The following DMXL2 variants were observed in gnomAD, a reference collection of about 807,000 sequenced individuals.
The protein encoded by DMXL2 is Dmx like 2, also known as dmX-like protein 2.
Under a neutral mutation model 331.1 loss-of-function variants are expected in DMXL2, and 103 were observed. The ratio of observed to expected loss-of-function variants is 0.31; its 90% confidence interval spans 0.27 to 0.37. DMXL2 has a LOEUF of 0.37. DMXL2 is among the 10% of genes least tolerant of loss of function. The pLI is 1.00. For missense variants in DMXL2, 3,171 were observed against 3,642.9 expected (o/e 0.87, Z 3.33); for synonymous variants, 1,281 against 1,252.1 (o/e 1.02, Z -0.49).
rs187787136 is a variant in DMXL2, at chr15:51,462,387, G to A, written c.7926+992C>T. ...TTTCGCTCTTGTTGCCCAGGCTGGA[G>A]TGCAATGGCACAATCTTGGCTTACT... On this transcript the variant is annotated intron_variant, in intron 33 of 43. Transcript: ENST00000560891. Among the ~76,000 whole-genome samples the A allele has an allele frequency of 4.5e-4, 69 of 152,182 alleles. No individual in the cohort carries two copies. The East Asian group carries it at 9.6e-3, about 21-fold the overall frequency.
At chr15:51,455,285 A>AAAC in intron 39 of DMXL2, 57 bp from the exon 40 acceptor site, 5 of 1,418,382 alleles carry the variant, frequency 3.5e-6, no homozygotes, top group Non-Finnish European at 5.0e-6. Context: ...GCAAAGGTAA[A>AAAC]AACATGGAAG....
intron 1 of DMXL2, among the ~76,000 whole-genome samples, chr15:51,613,301 C>T (rs1902594): frequency 0.58 from 87,717 of 152,022 alleles, 26,267 homozygotes; most frequent in African/African-American, 0.74. Context: ...TGTTCAGAGA[C>T]TGCAGTAAAG....
In DMXL2 at chr15:51,451,510, C is replaced by T. The variant is rs1197472736; in HGVS notation, c.8749+135G>A. 4.4e-6 allele frequency: 3 copies of T among 678,964 alleles called. No homozygotes were observed. In the East Asian group the frequency reaches 8.8e-5, roughly 20 times the overall value. 42.1% of individuals were successfully genotyped at this position (678,964 alleles called of 1,614,324 possible). On this transcript the variant is annotated intron_variant, in intron 42 of 43. Coordinates refer to ENST00000560891, the MANE Select transcript of DMXL2 (RefSeq NM_001378457.1). Reference sequence around the variant, plus strand: ...TTAACTTTCCAAATTTTTAGTCATTCATTCTAAATATTTCTCCATTTTCAA... The same window carrying T: ...TTAACTTTCCAAATTTTTAGTCATTTATTCTAAATATTTCTCCATTTTCAA...
Position 51,499,298 on chromosome 15 carries a change from T to C in DMXL2, c.3926A>G (p.Lys1309Arg). 6.2e-7 allele frequency: 1 copy of C among 1,613,960 alleles called. No homozygotes were observed. Among genetic ancestry groups the C allele is most frequent in the Non-Finnish European group, 8.5e-7 (1 of 1,180,022 alleles). Residue 1309 changes from lysine to arginine, a missense_variant, in exon 18 of 44, where the codon AAA (lysine) becomes AGA (arginine). Physicochemically the swap from Lys to Arg is conservative, Grantham distance 26. Coordinates refer to ENST00000560891, the MANE Select transcript of DMXL2 (RefSeq NM_001378457.1). ...STFKSNMLAR[K>R]SVVEGTAISD... ...AATAGCTGTTCCTTCAACAACACTT[T>C]TTCTTGCCAGCATATTAGATTTAAA...
chr15:51,592,888 C>T (rs1033165542), intron 1 of DMXL2, among the ~76,000 whole-genome samples: 29 of 152,172 alleles, frequency 1.9e-4, no homozygotes, highest in Admixed American at 1.4e-3. Flanking sequence ...ACTGCCAGGC[C>T]TGCCCTAAAA....
At position 51,601,230 on chromosome 15, in the gene DMXL2, G is replaced by A. The variant is rs2141316166; in HGVS notation, c.87+21229C>T. Reference sequence around the variant, plus strand: ...GGCGTGAACCTGGGAGGCGGAGCTTGCAGTGAGCCGAGATTGCACCACTGC... The same window carrying A: ...GGCGTGAACCTGGGAGGCGGAGCTTACAGTGAGCCGAGATTGCACCACTGC... On this transcript the variant is annotated intron_variant, in intron 1 of 43. Coordinates refer to ENST00000560891, the MANE Select transcript of DMXL2 (RefSeq NM_001378457.1). Among the ~76,000 whole-genome samples, 2 of 147,704 alleles carry A rather than the reference G, an allele frequency of 1.4e-5. 1 individual carries two copies.
intron 1 of DMXL2, among the ~76,000 whole-genome samples, chr15:51,610,357 G>C (rs1266794554): frequency 6.6e-6 from 1 of 152,160 alleles, no homozygotes; most frequent in Non-Finnish European, 1.5e-5. Flanking sequence ...TGAATAAGCA[G>C]ACAGAAAAGC....
chr15:51,599,788 C>G (rs1230241988), intron 1 of DMXL2, among the ~76,000 whole-genome samples: 12 of 152,092 alleles, frequency 7.9e-5, no homozygotes, highest in Non-Finnish European at 1.5e-5. Flanking sequence ...CAACCTTCAC[C>G]TCCCACGTTC....
intron 13 of DMXL2, among the ~76,000 whole-genome samples, chr15:51,526,942 G>A (rs1474795331): frequency 6.6e-6 from 1 of 152,158 alleles, no homozygotes; most frequent in Non-Finnish European, 1.5e-5. Context: ...TTAAAGAGGA[G>A]GTAAAGAAAG....
At chr15:51,466,459 A>G in intron 29 of DMXL2, 148 bp from the exon 30 acceptor site, 1 of 257,958 alleles carries the variant, frequency 3.9e-6, no homozygotes, top group Non-Finnish European at 6.5e-6. Context: ...TAAACATTTT[A>G]AATGGTGTCA....
At chr15:51,502,757 A>AT in intron 17 of DMXL2, 49 bp downstream of exon 17, 2 of 1,257,368 alleles carry the variant, frequency 1.6e-6, no homozygotes, top group Non-Finnish European at 2.3e-6. Context: ...AAGAGTTCAT[A>AT]TATTTTATCA....
intron 1 of DMXL2, among the ~76,000 whole-genome samples, chr15:51,590,022 C>A (rs2052171576): frequency 6.6e-6 from 1 of 152,208 alleles, no homozygotes; most frequent in Admixed American, 6.5e-5. Context: ...ATTCACAGGC[C>A]TTTCTAGAGA....
chr15:51,582,040 T>C (rs1420132019), intron 1 of DMXL2, among the ~76,000 whole-genome samples: 1 of 152,184 alleles, frequency 6.6e-6, no homozygotes, highest in East Asian at 1.9e-4. Flanking sequence ...TGTAAATATG[T>C]CTACTTTTCT....
intron 15 of DMXL2, among the ~76,000 whole-genome samples, chr15:51,511,010 AC>A (rs894564696): frequency 3.3e-5 from 5 of 152,158 alleles, no homozygotes; most frequent in African/African-American, 1.2e-4. Context: ...CTGAAACTGG[AC>A]CCCTTTCTTA....
At position 51,536,429 on chromosome 15, in the gene DMXL2, T is replaced by C. The variant is rs1409609992; in HGVS notation, c.2051A>G (p.Asp684Gly). The change falls in exon 12 of 44, where the codon GAC becomes GGC. Residue 684 changes from aspartate (D) to glycine (G), a missense_variant. Transcript: ENST00000560891. ...TAATCTACTTAATTTATTGTCTGAG[T>C]CCCACTGACAATCTAATTCAGGAGT... ...LLTPELDCQW[D>G]SDNKLSRLMD... 2.5e-6 allele frequency: 4 copies of C among 1,613,938 alleles called. No individual in the cohort carries two copies. Among genetic ancestry groups the C allele is most frequent in the Non-Finnish European group, 2.5e-6 (3 of 1,179,904 alleles).
intron 2 of DMXL2, among the ~76,000 whole-genome samples, chr15:51,572,636 C>T (rs1241942794): frequency 6.6e-6 from 1 of 152,104 alleles, no homozygotes; most frequent in Admixed American, 6.5e-5. Context: ...TCAACATACA[C>T]AAATCAATAA....
chr15:51,503,624 A>G (rs1414280472), intron 16 of DMXL2, among the ~76,000 whole-genome samples: 2 of 152,186 alleles, frequency 1.3e-5, no homozygotes, highest in Non-Finnish European at 2.9e-5. Context: ...ACATGAAGGT[A>G]GAAGAAATAA....
chr15:51,468,568 G>C (rs983799946), intron 29 of DMXL2, among the ~76,000 whole-genome samples: 1 of 152,140 alleles, frequency 6.6e-6, no homozygotes, highest in Non-Finnish European at 1.5e-5. Context: ...GTACACAAAA[G>C]CAAAAGAATA....
At chr15:51,458,672 G>A (rs2039862056) in intron 35 of DMXL2, 37 bp downstream of exon 35, 2 of 1,613,598 alleles carry the variant, frequency 1.2e-6, no homozygotes, top group South Asian at 2.2e-5. Context: ...ATTTCACTAA[G>A]GAGAAATACA....
Sources: gnomAD v4.1 joint callset for allele counts (sites outside exome capture counted in the v4.1 genomes callset) on GRCh38, gnomAD v4.1.1 for gene constraint, MANE v1.5 for transcripts, NCBI Gene and HGNC (gene_info 2026-07-23, HGNC 2026-07-21) for gene names.